Variants in PTPRT observed in about 807,000 individuals in gnomAD.
PTPRT encodes the protein protein tyrosine phosphatase receptor type T, also known as receptor-type tyrosine-protein phosphatase T.
Under a neutral mutation model 176.8 loss-of-function variants are expected in PTPRT, and 56 were observed. That is an observed-to-expected ratio of 0.32 (90% confidence interval 0.26 to 0.40). PTPRT has a LOEUF of 0.40. Among genes scored for constraint, PTPRT ranks in the 10% least tolerant of loss-of-function variants. PTPRT has a pLI of 1.00. For synonymous variants in PTPRT, 783 were observed against 739.0 expected (o/e 1.06, Z -0.96); for missense variants, 1,540 against 1,908.2 (o/e 0.81, Z 3.60).
intron 2 of PTPRT, among the ~76,000 whole-genome samples, chr20:42,794,808 G>C (rs1312509804): frequency 1.4e-5 from 2 of 144,490 alleles, no homozygotes; most frequent in Non-Finnish European, 1.5e-5. Flanking sequence ...ATTTGAAATA[G>C]AATAGCCTAG....
chr20:42,297,294 C>T (rs1402932347), intron 12 of PTPRT, among the ~76,000 whole-genome samples: 1 of 151,928 alleles, frequency 6.6e-6, no homozygotes, highest in Non-Finnish European at 1.5e-5. Context: ...GTAGCAAAAC[C>T]CCATTACAAT....
intron 7 of PTPRT, among the ~76,000 whole-genome samples, chr20:42,622,707 A>G (rs1600489500): frequency 6.6e-6 from 1 of 152,228 alleles, no homozygotes; most frequent in South Asian, 2.1e-4. Flanking sequence ...AAACAAGATT[A>G]GAAACAGAAA....
At chr20:43,051,649 A>AAAAAAAC (rs869290288) in intron 1 of PTPRT, among the ~76,000 whole-genome samples, 1 of 149,914 alleles carries the variant, frequency 6.7e-6, no homozygotes, top group Non-Finnish European at 1.5e-5. Context: ...AAAAAAAAAA[A>AAAAAAAC]TCTACATTAT....
chr20:42,633,887 AATT>A (rs1176568804), intron 7 of PTPRT, among the ~76,000 whole-genome samples: 2 of 71,138 alleles, frequency 2.8e-5, no homozygotes, highest in East Asian at 3.6e-4. Context: ...ATTATAATAT[AATT>A]ATTATATATA....
intron 12 of PTPRT, among the ~76,000 whole-genome samples, chr20:42,312,742 G>A (rs966538152): frequency 2.7e-5 from 4 of 148,896 alleles, no homozygotes; most frequent in African/African-American, 9.9e-5. Flanking sequence ...AAATGGCCTT[G>A]TTCATTTCTG....
chr20:43,083,322 A>ATG (rs1449205685), intron 1 of PTPRT, among the ~76,000 whole-genome samples: 7 of 16,576 alleles, frequency 4.2e-4, no homozygotes, highest in Admixed American at 1.9e-3. Context: ...CTTCAAATGT[A>ATG]TATATATATA....
intron 1 of PTPRT, among the ~76,000 whole-genome samples, chr20:42,906,219 G>A (rs969351051): frequency 1.3e-5 from 2 of 152,140 alleles, no homozygotes; most frequent in Admixed American, 6.5e-5. Flanking sequence ...GTAGCTGGAC[G>A]TCAAAAGGAG....
intron 7 of PTPRT, among the ~76,000 whole-genome samples, chr20:42,587,987 T>C (rs1423301654): frequency 6.6e-6 from 1 of 152,136 alleles, no homozygotes; most frequent in Non-Finnish European, 1.5e-5. Context: ...TTAAATTATA[T>C]GATTGTAAAG....
At chr20:42,380,699 G>A (rs985612549) in intron 9 of PTPRT, among the ~76,000 whole-genome samples, 2 of 152,130 alleles carry the variant, frequency 1.3e-5, no homozygotes, top group Admixed American at 6.5e-5. Context: ...GCGTGTTTTT[G>A]TTCTCCCATT....
rs1465148737 is a variant in PTPRT, at chr20:42,448,104, G to A, written c.1560+116C>T. 7.5e-6 allele frequency: 6 copies of A among 804,350 alleles called. No homozygotes were observed. In the East Asian group the frequency reaches 1.5e-4, roughly 20 times the overall value. 49.8% of individuals were successfully genotyped at this position (804,350 alleles called of 1,614,324 possible). On this transcript the variant is annotated intron_variant, in intron 9 of 30. Transcript: ENST00000373187. ...CCATTGTACTGTCAGAAACCTTTTG[G>A]TATGTCTCATCTTACTCACCTTTAT...
intron 6 of PTPRT, among the ~76,000 whole-genome samples, chr20:42,682,842 T>C (rs1467464636): frequency 6.6e-6 from 1 of 152,182 alleles, no homozygotes; most frequent in African/African-American, 2.4e-5. Flanking sequence ...AACAATTCTG[T>C]CTTTCTTTTC....
intron 1 of PTPRT, among the ~76,000 whole-genome samples, chr20:43,162,173 T>A (rs952908280): frequency 4.6e-5 from 7 of 152,166 alleles, no homozygotes; most frequent in African/African-American, 1.7e-4. Flanking sequence ...ATTCCACAAC[T>A]GACTCTCGAT....
At chr20:43,090,428 T>C (rs186170531) in intron 1 of PTPRT, among the ~76,000 whole-genome samples, 1,679 of 152,168 alleles carry the variant, frequency 0.011, 20 homozygotes, top group Non-Finnish European at 0.016. Context: ...CCACCACGCC[T>C]GGCTAATTTT....
intron 7 of PTPRT, among the ~76,000 whole-genome samples, chr20:42,610,379 G>GTTT (rs74271793): frequency 2.2e-5 from 3 of 136,428 alleles, no homozygotes; most frequent in African/African-American, 2.6e-5. Context: ...TACTTGTTTT[G>GTTT]TTTTTTTTTT....
chr20:43,068,242 T>C (rs773416432), intron 1 of PTPRT, among the ~76,000 whole-genome samples: 23 of 148,964 alleles, frequency 1.5e-4, no homozygotes, highest in Admixed American at 4.0e-4. Flanking sequence ...CAGTGGCTCA[T>C]GCCTGTAATC....
At chr20:42,312,252 G>A in intron 12 of PTPRT, among the ~76,000 whole-genome samples, 1 of 152,114 alleles carries the variant, frequency 6.6e-6, no homozygotes, top group Non-Finnish European at 1.5e-5. Flanking sequence ...GGGAACGTGG[G>A]AGCCCCTGGA....
At chr20:42,629,715 C>T (rs2074368000) in intron 7 of PTPRT, among the ~76,000 whole-genome samples, 1 of 152,130 alleles carries the variant, frequency 6.6e-6, no homozygotes, top group South Asian at 2.1e-4. Flanking sequence ...GAAGCAATGA[C>T]TTAAAGCAGA....
At position 42,102,240 on chromosome 20, in the gene PTPRT, G is replaced by T; in HGVS notation, c.3598C>A (p.Pro1200Thr). 6.2e-7 allele frequency: 1 copy of T among 1,614,176 alleles called. No homozygotes were observed. Among genetic ancestry groups the T allele is most frequent in the Non-Finnish European group, 8.5e-7 (1 of 1,180,022 alleles). The change falls in exon 26 of 31, where the codon CCC becomes ACC. Residue 1200 changes from proline (P) to threonine (T), a missense_variant. Pro to Thr is a conservative substitution (Grantham distance 38). Transcript: ENST00000373187. ...RPEDCSIGLL[P>T]RNHDKNRSMD... is the part of the protein sequence containing the mutation. ...CTTCGATTCTTATCATGGTTCCGGGGCAGGAGCCCAATGCTGCAGTCCTCG... is the reference window on the plus strand; with the variant it reads ...CTTCGATTCTTATCATGGTTCCGGGTCAGGAGCCCAATGCTGCAGTCCTCG...
Position 42,078,377 on chromosome 20 carries a change from C to G in PTPRT, c.*2502G>C, listed in dbSNP as rs373247987. The G allele has an allele frequency of 4.7e-6, 1 of 211,630 alleles. No individual in the cohort carries two copies. The highest frequency in any genetic ancestry group is 9.6e-6 in the Non-Finnish European group (1 of 104,196). 13.1% of individuals were successfully genotyped at this position (211,630 alleles called of 1,614,324 possible). A position where few individuals can be genotyped will look rare whatever the true frequency, so the allele number is the denominator to read the frequency against. On this transcript the variant is annotated 3_prime_UTR_variant, in exon 31 of 31. Transcript: ENST00000373187. ...GAGATCTGGGTTGGTGACCCTGCTC[C>G]GTGGTAAAGCAGAGACCCTGGGTTT...
Sources: gnomAD v4.1 joint callset for allele counts (sites outside exome capture counted in the v4.1 genomes callset) on GRCh38, gnomAD v4.1.1 for gene constraint, MANE v1.5 for transcripts, NCBI Gene and HGNC (gene_info 2026-07-23, HGNC 2026-07-21) for gene names.